Variants in VPS33B observed in about 807,000 individuals in gnomAD.
The protein encoded by VPS33B is vacuolar protein sorting-associated protein 33B.
A neutral mutation model predicts 95.3 loss-of-function variants in VPS33B; 80 were observed. That is an observed-to-expected ratio of 0.84 (90% CI 0.70 to 1.01). The LOEUF (loss-of-function observed/expected upper bound fraction) is 1.01, where lower values mean the gene tolerates loss of function less well. VPS33B is among the 50% of genes least tolerant of loss of function. The probability of loss-of-function intolerance (pLI) is 0.00; values close to 1 mark genes in which losing one functional copy is unlikely to be tolerated. For missense variants in VPS33B, 715 were observed against 773.4 expected, an observed-to-expected ratio of 0.92 and a Z score of 0.90; for synonymous variants, 280 against 280.4, an observed-to-expected ratio of 1.00 and a Z score of 0.01.
At position 91,006,736 on chromosome 15, in the gene VPS33B, CA is replaced by C. The variant is rs2040617622; in HGVS notation, c.701-8del. Reference sequence around the variant, plus strand: ...GCTGTCACAAAGTCCACATCTGAAACAGAGATCCCTGACCATGAAGGTTCTC... The same window carrying C: ...GCTGTCACAAAGTCCACATCTGAAACGAGATCCCTGACCATGAAGGTTCTC... On this transcript the variant is annotated splice_region_variant and splice_polypyrimidine_tract_variant and intron_variant, in intron 9 of 22. Transcript: ENST00000333371. The surrounding 1 kb of genome is among the most constrained non-coding windows in gnomAD (Gnocchi z 5.4). 2 of 1,614,048 alleles carry C rather than the reference CA, an allele frequency of 1.2e-6. No individual in the cohort carries two copies. The highest frequency in any genetic ancestry group is 2.7e-5 in the African/African-American group (2 of 74,912).
rs1596356851 is a variant in VPS33B, at chr15:91,006,210, G to A, written c.853-151C>T. The A allele has an allele frequency of 2.2e-6, 3 of 1,335,466 alleles. No individual in the cohort carries two copies. Among genetic ancestry groups the A allele is most frequent in the African/African-American group, 1.4e-5 (1 of 70,054 alleles). The allele number at this position is 1,335,466 out of a possible 1,614,324, so 82.7% of individuals were successfully genotyped here. On this transcript the variant is annotated intron_variant, in intron 11 of 22. Transcript: ENST00000333371. The surrounding 1 kb of genome is among the most constrained non-coding windows in gnomAD (Gnocchi z 5.4). ...TAAGTCCATATCAAATGCCTACACC[G>A]TGTTCTAGGAGATGCTCTGAACTGG...
intron 18 of VPS33B, 141 bp downstream of exon 18, chr15:91,001,909 G>GTTT: frequency 7.5e-7 from 1 of 1,341,190 alleles, no homozygotes; most frequent in Non-Finnish European, 1.0e-6. Flanking sequence ...ACTAGCAGAA[G>GTTT]TAGTAGTAAT....
Position 91,013,281 on chromosome 15 carries a change from T to C in VPS33B, c.357+523A>G, listed in dbSNP as rs2040829920. 6.6e-6 allele frequency among the ~76,000 whole-genome samples: 1 copy of C among 152,198 alleles called. No homozygotes were observed. Among genetic ancestry groups the C allele is most frequent in the South Asian group, 2.1e-4 (1 of 4,828 alleles). On this transcript the variant is annotated intron_variant, in intron 5 of 22. Transcript: ENST00000333371. This position sits in a 1 kb window ranked among gnomAD's most constrained non-coding sequence, Gnocchi z 4.5. ...ACCCTCTGCTAAACAAATGAGGATA[T>C]GTTAATGAATTGAGGATGCGTTAGT...
At position 90,999,475 on chromosome 15, in the gene VPS33B, T is replaced by C; in HGVS notation, c.1774+202A>G. 1.5e-6 allele frequency: 1 copy of C among 651,950 alleles called. No homozygotes were observed. The highest frequency in any genetic ancestry group is 2.8e-6 in the Non-Finnish European group (1 of 358,824). The allele number at this position is 651,950 out of a possible 1,614,324, so 40.4% of individuals were successfully genotyped here. On this transcript the variant is annotated intron_variant, in intron 22 of 22. Coordinates refer to ENST00000333371, the MANE Select transcript of VPS33B (RefSeq NM_018668.5). This position sits in a 1 kb window ranked among gnomAD's most constrained non-coding sequence, Gnocchi z 5.1. ...TTAGCATTACAGGCACCGGCCACCATGCCTGGCTAATTTTTGTATTTTTCG... is the reference window on the plus strand; with the variant it reads ...TTAGCATTACAGGCACCGGCCACCACGCCTGGCTAATTTTTGTATTTTTCG...
Position 91,005,495 on chromosome 15 carries a change from A to G in VPS33B, c.1031-41T>C. ...AGGGAGCTGACATACTCCTGGTTCT[A>G]GAAAGATGTCCCTTTATTGTCCGGA... is the stretch of plus-strand genomic sequence containing the variant. On this transcript the variant is annotated intron_variant, in intron 13 of 22. Coordinates refer to ENST00000333371, the MANE Select transcript of VPS33B (RefSeq NM_018668.5). The surrounding 1 kb of genome is among the most constrained non-coding windows in gnomAD (Gnocchi z 6.4). 1.2e-6 allele frequency: 2 copies of G among 1,612,920 alleles called. No homozygotes were observed. Among genetic ancestry groups the G allele is most frequent in the Middle Eastern group, 1.7e-4 (1 of 6,060 alleles).
In VPS33B at chr15:91,003,118, C is replaced by G; in HGVS notation, c.1239G>C (p.Lys413Asn). ...LSITENGLIP[K>N]DYRSLKTQYL... The stretch of plus-strand genomic sequence containing the variant: ...ACTGTGTTTTCAGAGATCGGTAATC[C>G]TTGGGGATCAAACCTAAGAGTGAAG... Residue 413 changes from lysine to asparagine, a missense_variant, in exon 17 of 23, where the codon AAG (lysine) becomes AAC (asparagine). Transcript: ENST00000333371. 1 of 1,614,070 alleles carries G rather than the reference C, an allele frequency of 6.2e-7. No homozygotes were observed. Among genetic ancestry groups the G allele is most frequent in the Non-Finnish European group, 8.5e-7 (1 of 1,179,980 alleles).
In VPS33B at chr15:91,006,057, C is replaced by T. The variant is rs1314354464; in HGVS notation, c.855G>A (p.Val285=). 49 of 1,614,044 alleles carry T rather than the reference C, an allele frequency of 3.0e-5. No individual in the cohort carries two copies. The highest frequency in any genetic ancestry group is 4.0e-5 in the Non-Finnish European group (47 of 1,180,038). ...LKVLLNAEDK[V]FNEIRNEHFS... ...AGTGCTCGTTCCGAATCTCATTAAA[C>T]ACCTGTGAGGACAGTAAGACAAGAA... The change falls in exon 12 of 23, where the codon GTG becomes GTA. Residue 285 remains valine (V), a splice_region_variant and synonymous_variant. Coordinates refer to ENST00000333371, the MANE Select transcript of VPS33B (RefSeq NM_018668.5). This position sits in a 1 kb window ranked among gnomAD's most constrained non-coding sequence, Gnocchi z 5.4.
intron 15 of VPS33B, 53 bp from the exon 16 acceptor site, chr15:91,004,984 T>C (rs2040557544): frequency 6.2e-7 from 1 of 1,614,192 alleles, no homozygotes; most frequent in Non-Finnish European, 8.5e-7. Flanking sequence ...CACGTGTTCT[T>C]TTCCTTCTGC....
Position 91,007,565 on chromosome 15 carries a change from A to C in VPS33B, c.507T>G (p.Asp169Glu). Residue 169 changes from aspartate (D) to glutamate (E), a missense_variant, in exon 8 of 23, where the codon GAT becomes GAG. Coordinates refer to ENST00000333371, the MANE Select transcript of VPS33B (RefSeq NM_018668.5). This position sits in a 1 kb window ranked among gnomAD's most constrained non-coding sequence, Gnocchi z 5.3. ...GAGCTACAGTGTTGATCCAACGCTG[A>C]TCTCCTTCCTGCAGGGACCACACAA... ...EFFRDYFLEG[D>E]QRWINTVAQA... The C allele has an allele frequency of 6.2e-7, 1 of 1,613,986 alleles. No homozygotes were observed. The highest frequency in any genetic ancestry group is 2.2e-5 in the East Asian group (1 of 44,870).
chr15:91,003,673 C>T (rs1003646226), intron 16 of VPS33B, among the ~76,000 whole-genome samples: 1 of 152,054 alleles, frequency 6.6e-6, no homozygotes, highest in Non-Finnish European at 1.5e-5. Context: ...CTCCTGATCT[C>T]AAGATCCGCC....
chr15:91,004,767 A>G (rs2040550276), intron 16 of VPS33B, 110 bp downstream of exon 16: 2 of 1,277,732 alleles, frequency 1.6e-6, no homozygotes, highest in African/African-American at 1.5e-5. Context: ...AATTACAGGG[A>G]AACATTCTGT....
At position 91,005,877 on chromosome 15, in the gene VPS33B, G is replaced by C; in HGVS notation, c.940-93C>G. ...TGCCATCCATCCATGAGAAAGGACA[G>C]GGAACCTGTCATAGTATTAGAAGGG... On this transcript the variant is annotated intron_variant, in intron 12 of 22. Coordinates refer to ENST00000333371, the MANE Select transcript of VPS33B (RefSeq NM_018668.5). The surrounding 1 kb of genome is among the most constrained non-coding windows in gnomAD (Gnocchi z 6.4). 3 of 1,607,048 alleles carry C rather than the reference G, an allele frequency of 1.9e-6. No individual in the cohort carries two copies. The highest frequency in any genetic ancestry group is 2.6e-6 in the Non-Finnish European group (3 of 1,174,508).
In VPS33B at chr15:91,013,655, T is replaced by G. The variant is rs1448739473; in HGVS notation, c.357+149A>C. On this transcript the variant is annotated intron_variant, in intron 5 of 22. Coordinates refer to ENST00000333371, the MANE Select transcript of VPS33B (RefSeq NM_018668.5). This position sits in a 1 kb window ranked among gnomAD's most constrained non-coding sequence, Gnocchi z 4.5. ...CCAGACCATGAGCTAAATAAATTTC[T>G]GTTCATTATAAATTACCTAGTCTCA... 2.0e-5 allele frequency: 17 copies of G among 855,756 alleles called. No individual in the cohort carries two copies. The highest frequency in any genetic ancestry group is 2.0e-6 in the Non-Finnish European group (1 of 511,550). The allele number at this position is 855,756 out of a possible 1,614,324, so 53.0% of individuals were successfully genotyped here.
chr15:91,014,829 G>A (rs553740264), intron 3 of VPS33B, among the ~76,000 whole-genome samples: 1 of 152,192 alleles, frequency 6.6e-6, no homozygotes, highest in Non-Finnish European at 1.5e-5. Context: ...GCTCACACCT[G>A]TAATCTTAAC....
chr15:91,007,118 C>A lies in VPS33B; in HGVS notation c.604-72G>T. ...GCAGCCCCATACCTACAGAAGTCAG[C>A]CCTTTCCACGTGATACTTCCTCTTG... is the stretch of plus-strand genomic sequence containing the variant. On this transcript the variant is annotated intron_variant, in intron 8 of 22. Coordinates refer to ENST00000333371, the MANE Select transcript of VPS33B (RefSeq NM_018668.5). This position sits in a 1 kb window ranked among gnomAD's most constrained non-coding sequence, Gnocchi z 5.3. 1 of 1,527,154 alleles carries A rather than the reference C, an allele frequency of 6.5e-7. No individual in the cohort carries two copies. The highest frequency in any genetic ancestry group is 1.1e-5 in the South Asian group (1 of 89,412). 94.6% of individuals were successfully genotyped at this position (1,527,154 alleles called of 1,614,324 possible). A position where few individuals can be genotyped will look rare whatever the true frequency, so the allele number is the denominator to read the frequency against.
chr15:90,999,954 G>T lies in VPS33B; in HGVS notation c.1603C>A (p.Gln535Lys), dbSNP rs1382094032. 6.2e-7 allele frequency: 1 copy of T among 1,614,212 alleles called. No individual in the cohort carries two copies. Among genetic ancestry groups the T allele is most frequent in the South Asian group, 1.1e-5 (1 of 91,086 alleles). Residue 535 changes from glutamine (Q) to lysine (K), a missense_variant, in exon 21 of 23, where the codon CAG becomes AAG. Transcript: ENST00000333371. This position sits in a 1 kb window ranked among gnomAD's most constrained non-coding sequence, Gnocchi z 5.1. ...IEQVLERRSW[Q>K]GLDEVVRLLN... is the part of the protein sequence containing the mutation. ...AGCCGTACCACCTCATCAAGGCCCT[G>T]CCAGCTTCGCCGCTCTAGCACCTGG...
rs2041006912 is a variant in VPS33B at position 91,018,470 on chromosome 15, G to A, written c.97-585C>T. On this transcript the variant is annotated intron_variant, in intron 1 of 22. Coordinates refer to ENST00000333371, the MANE Select transcript of VPS33B (RefSeq NM_018668.5). The surrounding 1 kb of genome is among the most constrained non-coding windows in gnomAD (Gnocchi z 4.7). ...AGGTCACAGTTAGTGACAGGGAGGG[G>A]AAAGTCACTGGGAGTTTCCTCTCAC... 6.6e-6 allele frequency among the ~76,000 whole-genome samples: 1 copy of A among 152,158 alleles called. No individual in the cohort carries two copies. The highest frequency in any genetic ancestry group is 2.1e-4 in the South Asian group (1 of 4,822).
chr15:91,021,665 C>A (rs953540157), intron 1 of VPS33B, among the ~76,000 whole-genome samples: 2 of 152,186 alleles, frequency 1.3e-5, no homozygotes, highest in Non-Finnish European at 2.9e-5. Context: ...TTGCTCCTAC[C>A]AATCTATCTG....
At position 90,999,884 on chromosome 15, in the gene VPS33B, T is replaced by C; in HGVS notation, c.1657+16A>G. 1 of 1,614,196 alleles carries C rather than the reference T, an allele frequency of 6.2e-7. No homozygotes were observed. The highest frequency in any genetic ancestry group is 8.5e-7 in the Non-Finnish European group (1 of 1,180,030). On this transcript the variant is annotated intron_variant, in intron 21 of 22. Transcript: ENST00000333371. This position sits in a 1 kb window ranked among gnomAD's most constrained non-coding sequence, Gnocchi z 5.1. ...ACCTCTCACTGCCAGCCTACCCCAC[T>C]GTTAATGCCACATACCTGTGAATGC...
Sources: allele counts gnomAD v4.1 joint callset (sites outside exome capture counted in the v4.1 genomes callset), GRCh38; gene constraint gnomAD v4.1.1; non-coding constraint Gnocchi (gnomAD v3.1); transcripts MANE v1.5; gene names NCBI Gene and HGNC (gene_info 2026-07-23, HGNC 2026-07-21).